Variants in NFASC observed in about 807,000 individuals in gnomAD.
NFASC encodes neurofascin homolog.
A neutral mutation model predicts 147.5 loss-of-function variants in NFASC; 43 were observed. The ratio of observed to expected loss-of-function variants is 0.29; its 90% CI spans 0.23 to 0.38. The LOEUF is 0.38. NFASC is among the 10% of genes least tolerant of loss of function. NFASC has a pLI of 1.00. For synonymous variants in NFASC, 622 were observed against 665.5 expected, an observed-to-expected ratio of 0.93 and a Z score of 1.01; for missense variants, 1,320 against 1,689.0, an observed-to-expected ratio of 0.78 and a Z score of 3.83.
intron 1 of NFASC, among the ~76,000 whole-genome samples, chr1:204,908,943 C>G (rs2086684475): frequency 6.6e-6 from 1 of 152,084 alleles, no homozygotes; most frequent in Non-Finnish European, 1.5e-5. Flanking sequence ...GAGTAGTGTT[C>G]CATGGTGTGG....
chr1:205,007,935 G>T (rs546727140), intron 27 of NFASC, among the ~76,000 whole-genome samples: 1 of 152,294 alleles, frequency 6.6e-6, no homozygotes, highest in South Asian at 2.1e-4. Context: ...CTGACACTGT[G>T]GCGGGGGCCT....
At position 204,997,403 on chromosome 1, in the gene NFASC, T is replaced by G. The variant is rs1308634308; in HGVS notation, c.3016T>G (p.Ser1006Ala). Reference sequence around the variant, plus strand: ...CACCTCCGGGACTAAGATACACGAATCCGGTACTGCGCATCGCCCATGCTC... The same window carrying G: ...CACCTCCGGGACTAAGATACACGAAGCCGGTACTGCGCATCGCCCATGCTC... ...TTTSGTKIHE[S>A]APDEQSIWNV... Residue 1006 changes from serine (S) to alanine (A), a missense_variant, in exon 25 of 30, where the codon TCC (serine) becomes GCC (alanine). By Grantham distance (99) the Ser-to-Ala change is moderately conservative. Around this residue, in one of 3 missense-constraint regions of NFASC, gnomAD observed 172 missense variants for 165.8 expected, o/e 1.04. Coordinates refer to ENST00000339876, the MANE Select transcript of NFASC (RefSeq NM_001005388.3). The G allele has an allele frequency of 3.9e-6, 6 of 1,551,772 alleles. No homozygotes were observed. The highest frequency in any genetic ancestry group is 5.2e-6 in the Non-Finnish European group (6 of 1,147,050).
At chr1:204,910,126 G>T (rs1173296252) in intron 1 of NFASC, among the ~76,000 whole-genome samples, 2 of 151,650 alleles carry the variant, frequency 1.3e-5, no homozygotes, top group East Asian at 3.9e-4. Context: ...AAATTTTGTT[G>T]GGATTTTAAT....
chr1:204,876,411 CTTTT>C (rs1240975820), intron 1 of NFASC, among the ~76,000 whole-genome samples: 5 of 152,130 alleles, frequency 3.3e-5, no homozygotes, highest in Non-Finnish European at 2.9e-5. Flanking sequence ...TCTTTTCTTT[CTTTT>C]GTCATTATTT....
Position 204,976,771 on chromosome 1 carries a change from G to A in NFASC, c.1807G>A (p.Ala603Thr). 2 of 1,613,910 alleles carry A rather than the reference G, an allele frequency of 1.2e-6. No individual in the cohort carries two copies. The highest frequency in any genetic ancestry group is 1.1e-5 in the South Asian group (1 of 91,034). The change falls in exon 16 of 30, where the codon GCC (alanine) becomes ACC (threonine). Residue 603 changes from alanine (A) to threonine (T), a missense_variant. Ala to Thr is a moderately conservative substitution (Grantham distance 58, BLOSUM62 0). Around this residue, in one of 3 missense-constraint regions of NFASC, gnomAD observed 981 missense variants for 1,289.5 expected, o/e 0.76. Transcript: ENST00000339876. ...CAGCACCGAGCTAGACCAAGACCTGGCCAAGGCCTACCTCACCGTGCTAGG... is the reference window on the plus strand; with the variant it reads ...CAGCACCGAGCTAGACCAAGACCTGACCAAGGCCTACCTCACCGTGCTAGG... ...VASTELDQDL[A>T]KAYLTVLADQ...
intron 1 of NFASC, among the ~76,000 whole-genome samples, chr1:204,840,949 A>C (rs1176198223): frequency 6.6e-6 from 1 of 152,198 alleles, no homozygotes; most frequent in Non-Finnish European, 1.5e-5. Flanking sequence ...AGGGTGATTT[A>C]AGTAATCGTA....
At chr1:204,908,304 T>C (rs989082693) in intron 1 of NFASC, among the ~76,000 whole-genome samples, 5 of 152,162 alleles carry the variant, frequency 3.3e-5, no homozygotes, top group Non-Finnish European at 5.9e-5. Flanking sequence ...TTTACAATAT[T>C]TTCTTCCAGT....
intron 10 of NFASC, 85 bp downstream of exon 10, chr1:204,969,067 A>G: frequency 7.8e-7 from 1 of 1,288,408 alleles, no homozygotes; most frequent in East Asian, 2.4e-5. Context: ...GGTTGGGGGC[A>G]GAGTGAGTCG....
chr1:204,851,574 C>T lies in NFASC; in HGVS notation c.-200+22792C>T, dbSNP rs61819416. Among the ~76,000 whole-genome samples, 1,031 of 152,062 alleles carry T rather than the reference C, an allele frequency of 6.8e-3. 8 individuals carry two copies. Among genetic ancestry groups the T allele is most frequent in the Middle Eastern group, 0.055 (16 of 290 alleles). On this transcript the variant is annotated intron_variant, in intron 1 of 29. Coordinates refer to ENST00000339876, the MANE Select transcript of NFASC (RefSeq NM_001005388.3). ...TCTCAAACTCCTGACCTCAAGTGATCGGCCCACCTCAGCCTCCCAAAGCGC... is the reference window on the plus strand; with the variant it reads ...TCTCAAACTCCTGACCTCAAGTGATTGGCCCACCTCAGCCTCCCAAAGCGC...
At chr1:204,943,380 C>T (rs1020823640) in intron 2 of NFASC, among the ~76,000 whole-genome samples, 4 of 152,042 alleles carry the variant, frequency 2.6e-5, no homozygotes, top group Admixed American at 1.3e-4. Flanking sequence ...TAACACCATC[C>T]CTGTAAGCCC....
intron 1 of NFASC, among the ~76,000 whole-genome samples, chr1:204,907,652 A>G (rs1308938603): frequency 6.6e-6 from 1 of 152,224 alleles, no homozygotes; most frequent in East Asian, 1.9e-4. Flanking sequence ...TGAACTTTCC[A>G]GAGAGAATGG....
chr1:204,899,684 A>G (rs1163109535), intron 1 of NFASC, among the ~76,000 whole-genome samples: 1 of 152,226 alleles, frequency 6.6e-6, no homozygotes, highest in Non-Finnish European at 1.5e-5. Flanking sequence ...GGTCTTCTGA[A>G]AGGGATGTTG....
intron 1 of NFASC, among the ~76,000 whole-genome samples, chr1:204,866,847 G>C (rs534620855): frequency 6.6e-6 from 1 of 152,308 alleles, no homozygotes; most frequent in African/African-American, 2.4e-5. Flanking sequence ...TTGGAAGCCA[G>C]GGCAGGAGAG....
chr1:204,954,516 C>A lies in NFASC; in HGVS notation c.412+132C>A. On this transcript the variant is annotated intron_variant, in intron 6 of 29. Coordinates refer to ENST00000339876, the MANE Select transcript of NFASC (RefSeq NM_001005388.3). This position sits in a 1 kb window ranked among gnomAD's most constrained non-coding sequence, Gnocchi z 5.7. The stretch of plus-strand genomic sequence containing the variant: ...TGCCTTGGTGTTCTCTATGCATCTT[C>A]CCCACCTCAGAATGATTCCCTGGAA... 1 of 799,790 alleles carries A rather than the reference C, an allele frequency of 1.3e-6. No individual in the cohort carries two copies. Among genetic ancestry groups the A allele is most frequent in the Non-Finnish European group, 2.0e-6 (1 of 512,120 alleles). The allele number at this position is 799,790 out of a possible 1,614,324, so 49.5% of individuals were successfully genotyped here. A position where few individuals can be genotyped will look rare whatever the true frequency, so the allele number is the denominator to read the frequency against.
chr1:204,892,441 C>T (rs887711641), intron 1 of NFASC, among the ~76,000 whole-genome samples: 3 of 152,210 alleles, frequency 2.0e-5, no homozygotes, highest in African/African-American at 7.2e-5. Context: ...TCAGGTGTCA[C>T]TCATGTAGCG....
chr1:204,980,984 C>T (rs116712227), intron 20 of NFASC, among the ~76,000 whole-genome samples: 3,037 of 152,362 alleles, frequency 0.02, 62 homozygotes, highest in Middle Eastern at 0.085. Flanking sequence ...ATTTTCCAAA[C>T]CAAAACTGGA....
At chr1:205,007,345 A>G (rs1300299782) in intron 27 of NFASC, among the ~76,000 whole-genome samples, 2 of 149,310 alleles carry the variant, frequency 1.3e-5, no homozygotes, top group African/African-American at 5.1e-5. Context: ...GCAGTGAGCT[A>G]TGATAACACC....
chr1:204,866,848 G>T (rs2077148457), intron 1 of NFASC, among the ~76,000 whole-genome samples: 1 of 152,186 alleles, frequency 6.6e-6, no homozygotes, highest in African/African-American at 2.4e-5. Flanking sequence ...TGGAAGCCAG[G>T]GCAGGAGAGT....
intron 27 of NFASC, 162 bp from the exon 28 acceptor site, chr1:205,009,395 G>A: frequency 1.3e-6 from 1 of 798,168 alleles, no homozygotes; most frequent in East Asian, 2.4e-5. Flanking sequence ...TTTTCTTTTT[G>A]TCCTTTAGCA....
Sources: gnomAD v4.1 joint callset for allele counts (sites outside exome capture counted in the v4.1 genomes callset) on GRCh38, gnomAD v4.1.1 for gene constraint, gnomAD v4.1.1 regional missense constraint, Gnocchi (gnomAD v3.1) non-coding constraint, MANE v1.5 for transcripts, NCBI Gene and HGNC (gene_info 2026-07-23, HGNC 2026-07-21) for gene names.